Variants in PRKG1 observed in about 807,000 individuals in gnomAD.
PRKG1 encodes cGMP-dependent protein kinase 1.
PRKG1 carries 35 observed loss-of-function variants against 88.1 expected under a neutral mutation model. The observed-to-expected ratio is 0.40, with a 90% CI of 0.30 to 0.53. The LOEUF (loss-of-function observed/expected upper bound fraction) is 0.53. Among genes scored for constraint, PRKG1 ranks in the 20% least tolerant of loss-of-function variants. The probability of loss-of-function intolerance (pLI) is 0.59; values close to 1 mark genes in which losing one functional copy is unlikely to be tolerated. For synonymous variants in PRKG1, 303 were observed against 292.5 expected, an observed-to-expected ratio of 1.04 and a Z score of -0.37; for missense variants, 540 against 839.8, an observed-to-expected ratio of 0.64 and a Z score of 4.41.
At chr10:51,184,651 C>G (rs1467150478) in intron 2 of PRKG1, among the ~76,000 whole-genome samples, 1 of 151,870 alleles carries the variant, frequency 6.6e-6, no homozygotes, top group Non-Finnish European at 1.5e-5. Flanking sequence ...TTAGCCAGAT[C>G]CAAAAATATG....
chr10:52,036,532 G>A (rs533655589), intron 5 of PRKG1, among the ~76,000 whole-genome samples: 2 of 152,084 alleles, frequency 1.3e-5, no homozygotes, highest in East Asian at 1.9e-4. Context: ...TGGGGTAAGG[G>A]TGATTAGGTT....
At chr10:51,689,935 A>G (rs1346978503) in intron 3 of PRKG1, among the ~76,000 whole-genome samples, 2 of 152,230 alleles carry the variant, frequency 1.3e-5, no homozygotes, top group Non-Finnish European at 2.9e-5. Context: ...GTATTAGTTC[A>G]TTCTTGCATT....
At chr10:51,766,289 G>A (rs1838160870) in intron 3 of PRKG1, among the ~76,000 whole-genome samples, 1 of 152,090 alleles carries the variant, frequency 6.6e-6, no homozygotes. Context: ...ACACATTTCT[G>A]GTATCTCCAC....
chr10:52,070,693 C>A (rs1347181368), intron 7 of PRKG1, among the ~76,000 whole-genome samples: 1 of 152,190 alleles, frequency 6.6e-6, no homozygotes, highest in East Asian at 1.9e-4. Flanking sequence ...TTCGGTGCTA[C>A]ATTTTTAATA....
intron 4 of PRKG1, among the ~76,000 whole-genome samples, chr10:51,823,435 C>G (rs1278834471): frequency 1.3e-5 from 2 of 151,758 alleles, no homozygotes; most frequent in Non-Finnish European, 2.9e-5. Context: ...CCTGGACTAG[C>G]CATTTCAAAC....
At chr10:52,234,584 A>G (rs2132359427) in intron 9 of PRKG1, among the ~76,000 whole-genome samples, 1 of 145,436 alleles carries the variant, frequency 6.9e-6, no homozygotes, top group East Asian at 2.0e-4. Flanking sequence ...GATGAAATGA[A>G]TGAAATGAAG....
intron 3 of PRKG1, among the ~76,000 whole-genome samples, chr10:51,717,899 A>G (rs1477823347): frequency 6.6e-6 from 1 of 151,854 alleles, no homozygotes; most frequent in African/African-American, 2.4e-5. Flanking sequence ...CAAGTCTTCT[A>G]TGAAATTTAG....
chr10:51,088,782 A>T lies in PRKG1; in HGVS notation c.311+13881A>T, dbSNP rs536583457. Among the ~76,000 whole-genome samples the T allele has an allele frequency of 6.5e-4, 98 of 151,130 alleles. No individual in the cohort carries two copies. The Middle Eastern group carries it at 0.01, about 16-fold the overall frequency. ...TTACATCCTTGGAGCCCAGAAATGGATGGCACACAGTAGATATTTAATATG... is the reference window on the plus strand; with the variant it reads ...TTACATCCTTGGAGCCCAGAAATGGTTGGCACACAGTAGATATTTAATATG... On this transcript the variant is annotated intron_variant, in intron 1 of 17. Coordinates refer to ENST00000373980, the MANE Select transcript of PRKG1 (RefSeq NM_006258.4).
intron 8 of PRKG1, among the ~76,000 whole-genome samples, chr10:52,143,046 T>A (rs1837626174): frequency 5.8e-4 from 2 of 3,428 alleles, no homozygotes; most frequent in Non-Finnish European, 3.5e-3. Context: ...CAAAGTGTTA[T>A]GATAAAAAAA....
intron 3 of PRKG1, among the ~76,000 whole-genome samples, chr10:51,549,272 G>A (rs1388615333): frequency 3.3e-5 from 5 of 150,968 alleles, no homozygotes; most frequent in South Asian, 4.2e-4. Flanking sequence ...TTACAGGTGC[G>A]TGCCACCACG....
rs77767964 is a variant in PRKG1, at chr10:52,082,850, T to A, written c.935+20219T>A. On this transcript the variant is annotated intron_variant, in intron 7 of 17. Transcript: ENST00000373980. ...TTTTTAAATAACCAATTTCAGTAGG[T>A]TTGTGTTTTAAAAATTTTTTGCTTC... is the stretch of plus-strand genomic sequence containing the variant. Among the ~76,000 whole-genome samples, 312 of 152,220 alleles carry A rather than the reference T, an allele frequency of 2.0e-3. 9 individuals carry two copies. In the East Asian group the frequency reaches 0.054, roughly 27 times the overall value.
At chr10:51,986,104 C>T (rs1310637457) in intron 5 of PRKG1, among the ~76,000 whole-genome samples, 1 of 152,102 alleles carries the variant, frequency 6.6e-6, no homozygotes, top group Non-Finnish European at 1.5e-5. Flanking sequence ...GAGTACTGTG[C>T]TTACATATTA....
chr10:52,143,644 G>T (rs1007170693), intron 8 of PRKG1, among the ~76,000 whole-genome samples: 1 of 152,126 alleles, frequency 6.6e-6, no homozygotes, highest in African/African-American at 2.4e-5. Flanking sequence ...TGGGGAAGCT[G>T]CTGGCTGCCA....
intron 6 of PRKG1, among the ~76,000 whole-genome samples, chr10:52,056,559 G>T (rs1409589826): frequency 2.0e-5 from 3 of 152,054 alleles, no homozygotes; most frequent in East Asian, 1.9e-4. Flanking sequence ...TACACCACAG[G>T]AACCAATTCC....
At chr10:51,075,237 G>A (rs1843919411) in intron 1 of PRKG1, among the ~76,000 whole-genome samples, 1 of 152,152 alleles carries the variant, frequency 6.6e-6, no homozygotes, top group Admixed American at 6.5e-5. Flanking sequence ...GAAATAAAAA[G>A]CCCCCGTCTC....
At chr10:52,165,509 T>G (rs945903486) in intron 9 of PRKG1, among the ~76,000 whole-genome samples, 1 of 152,200 alleles carries the variant, frequency 6.6e-6, no homozygotes, top group Non-Finnish European at 1.5e-5. Flanking sequence ...TGCCTCTAAA[T>G]TTTTATAAGG....
chr10:51,248,623 A>G (rs934433019), intron 2 of PRKG1, among the ~76,000 whole-genome samples: 4 of 151,844 alleles, frequency 2.6e-5, no homozygotes, highest in Non-Finnish European at 5.9e-5. Context: ...AACTCTGATC[A>G]CAGAAATGGT....
chr10:51,890,174 G>A (rs370216045), intron 4 of PRKG1, among the ~76,000 whole-genome samples: 101 of 152,214 alleles, frequency 6.6e-4, no homozygotes, highest in Middle Eastern at 3.4e-3. Flanking sequence ...TTTTCTTCTA[G>A]GGTTTTTATG....
At chr10:52,283,121 T>C (rs997261903) in intron 14 of PRKG1, among the ~76,000 whole-genome samples, 2 of 151,830 alleles carry the variant, frequency 1.3e-5, no homozygotes, top group African/African-American at 2.4e-5. Flanking sequence ...TGCACTTGAG[T>C]GTTTGGACTC....
Sources: gnomAD v4.1 joint callset for allele counts (sites outside exome capture counted in the v4.1 genomes callset) on GRCh38, gnomAD v4.1.1 for gene constraint, MANE v1.5 for transcripts, NCBI Gene and HGNC (gene_info 2026-07-23, HGNC 2026-07-21) for gene names.